ZC3H4: variants seen among roughly 807,000 people sequenced by gnomAD.
ZC3H4 encodes zinc finger CCCH domain-containing protein 4.
ZC3H4 carries 13 observed loss-of-function variants against 108.3 expected under a neutral mutation model. The ratio of observed to expected loss-of-function variants is 0.12; its 90% confidence interval spans 0.08 to 0.19. The LOEUF is 0.19. Ranked by LOEUF, ZC3H4 falls within the 10% of genes least tolerant of loss-of-function variation. The pLI is 1.00. For synonymous variants in ZC3H4, 917 were observed against 749.6 expected, an observed-to-expected ratio of 1.22 and a Z score of -3.65; for missense variants, 1,734 against 1,838.8, an observed-to-expected ratio of 0.94 and a Z score of 1.04.
At chr19:47,112,121 C>T (rs1337593763) in intron 2 of ZC3H4, 7 of 1,068,720 alleles carry the variant, frequency 6.5e-6, no homozygotes, top group Non-Finnish European at 7.9e-6. Flanking sequence ...CGGACGGGCG[C>T]GGGGGGTCCG....
intron 1 of ZC3H4, 39 bp from the exon 2 acceptor site, chr19:47,112,628 T>G (rs1765758161): frequency 3.3e-6 from 4 of 1,215,830 alleles, no homozygotes; most frequent in Non-Finnish European, 4.1e-6. Flanking sequence ...GAAAAAGGAC[T>G]GCTTGGGCGT....
intron 11 of ZC3H4, 137 bp downstream of exon 11, chr19:47,081,376 C>T: frequency 1.5e-6 from 1 of 684,910 alleles, no homozygotes; most frequent in East Asian, 2.7e-5. Context: ...TGCCCGTGTC[C>T]TCCTTAGAAT....
chr19:47,076,850 G>A (rs151093276), intron 11 of ZC3H4, among the ~76,000 whole-genome samples: 1,679 of 151,498 alleles, frequency 0.011, 35 homozygotes, highest in African/African-American at 0.038. Flanking sequence ...AAAATTAGCC[G>A]GGCGTGGTGG....
intron 5 of ZC3H4, among the ~76,000 whole-genome samples, chr19:47,089,616 G>T (rs920508149): frequency 6.6e-6 from 1 of 152,210 alleles, no homozygotes; most frequent in Admixed American, 6.5e-5. Flanking sequence ...TCAGGTGATG[G>T]GGCTGGGAGA....
intron 13 of ZC3H4, among the ~76,000 whole-genome samples, chr19:47,071,348 G>A (rs1374564661): frequency 6.6e-6 from 1 of 152,152 alleles, no homozygotes; most frequent in Non-Finnish European, 1.5e-5. Flanking sequence ...AGGAAAAAAA[G>A]GCAGGAAAAC....
At chr19:47,112,259 A>G in intron 2 of ZC3H4, 165 bp downstream of exon 2, 1 of 1,140,358 alleles carries the variant, frequency 8.8e-7, no homozygotes, top group African/African-American at 1.6e-5. Flanking sequence ...AGCGAGAAAG[A>G]GCGAGCGAGC....
intron 11 of ZC3H4, among the ~76,000 whole-genome samples, chr19:47,079,483 C>A (rs534180660): frequency 6.6e-6 from 1 of 151,744 alleles, no homozygotes; most frequent in Non-Finnish European, 1.5e-5. Context: ...AAACCTGGAG[C>A]CTCCAGCAGG....
intron 2 of ZC3H4, among the ~76,000 whole-genome samples, chr19:47,111,152 C>T (rs1024828077): frequency 6.6e-6 from 1 of 152,202 alleles, no homozygotes; most frequent in African/African-American, 2.4e-5. Flanking sequence ...CTCCAAGACT[C>T]GCTTTCCTGC....
At chr19:47,093,790 G>A in intron 4 of ZC3H4, 180 bp downstream of exon 4, 1 of 507,870 alleles carries the variant, frequency 2.0e-6, no homozygotes. Context: ...TGTCTGGGCT[G>A]CCTTGTTGAA....
intron 11 of ZC3H4, among the ~76,000 whole-genome samples, chr19:47,078,753 A>T (rs1323123347): frequency 6.6e-6 from 1 of 151,888 alleles, no homozygotes; most frequent in Non-Finnish European, 1.5e-5. Flanking sequence ...CCAGCTACTC[A>T]GGAGGCTGAA....
In ZC3H4 at chr19:47,089,948, CTG is replaced by C. The variant is rs1171827106; in HGVS notation, c.715+17_715+18del. ...TGGCTCCGATGCCCCAGAGGAGAAA[CTG>C]TAAGGGCAGGGCTCACCTCGGCCGC... On this transcript the variant is annotated intron_variant, in intron 5 of 14. Coordinates refer to ENST00000253048, the MANE Select transcript of ZC3H4 (RefSeq NM_015168.2). 6 of 1,613,606 alleles carry C rather than the reference CTG, an allele frequency of 3.7e-6. No homozygotes were observed. Among genetic ancestry groups the C allele is most frequent in the Non-Finnish European group, 5.1e-6 (6 of 1,179,890 alleles).
At chr19:47,085,637 C>T (rs988449603) in intron 6 of ZC3H4, among the ~76,000 whole-genome samples, 10 of 152,166 alleles carry the variant, frequency 6.6e-5, no homozygotes, top group East Asian at 1.9e-4. Context: ...AGCCTCCCTA[C>T]GTACACATCA....
chr19:47,112,527 ATGGCGGCGGCGG>A lies in ZC3H4; in HGVS notation c.46_57del (p.Pro16_Pro19del). On this transcript the variant is annotated inframe_deletion, in exon 2 of 15. Coordinates refer to ENST00000253048, the MANE Select transcript of ZC3H4 (RefSeq NM_015168.2). ...GAAGGCGTTGATGGCGGCGGCGGCGATGGCGGCGGCGGCGACTCTGATGGCGGCGGCGGGGGG... is the reference window on the plus strand; with the variant it reads ...GAAGGCGTTGATGGCGGCGGCGGCGACGACTCTGATGGCGGCGGCGGGGGG... 5 of 1,074,910 alleles carry A rather than the reference ATGGCGGCGGCGG, an allele frequency of 4.7e-6. No individual in the cohort carries two copies. Among genetic ancestry groups the A allele is most frequent in the Non-Finnish European group, 4.8e-6 (4 of 839,036 alleles). 66.6% of individuals were successfully genotyped at this position (1,074,910 alleles called of 1,614,324 possible).
chr19:47,094,140 T>C, intron 3 of ZC3H4, 60 bp from the exon 4 acceptor site: 4 of 1,529,498 alleles, frequency 2.6e-6, no homozygotes, highest in East Asian at 4.5e-5. Context: ...TCGGGCACAG[T>C]CAGCCTCAGG....
Position 47,072,395 on chromosome 19 carries a change from C to T in ZC3H4, c.1759G>A (p.Val587Met), listed in dbSNP as rs1383493003. 4.3e-6 allele frequency: 7 copies of T among 1,613,238 alleles called. No homozygotes were observed. The highest frequency in any genetic ancestry group is 1.3e-5 in the African/African-American group (1 of 74,880). ...GCCAGCTGTCCCGTGGGCCGCACCA[C>T]GATCTCAAACAAGGAGGGGATCTTC... ...NKKIPSLFEI[V>M]VRPTGQLAEK... The change falls in exon 12 of 15, where the codon GTG becomes ATG. Residue 587 changes from valine (V) to methionine (M), a missense_variant. Val to Met is a conservative substitution (Grantham distance 21). This residue lies in a region of ZC3H4 where 12 missense variants were observed against 36.4 expected (regional missense o/e 0.33). Coordinates refer to ENST00000253048, the MANE Select transcript of ZC3H4 (RefSeq NM_015168.2). The surrounding 1 kb of genome is among the most constrained non-coding windows in gnomAD (Gnocchi z 5.6).
chr19:47,089,155 G>A (rs1325554476), intron 5 of ZC3H4, among the ~76,000 whole-genome samples: 1 of 140,398 alleles, frequency 7.1e-6, no homozygotes, highest in East Asian at 2.1e-4. Context: ...GCAGTGAGCC[G>A]AGATCGCGCC....
chr19:47,098,811 T>TGATATTTCAAAGGA (rs1383958117), intron 2 of ZC3H4, among the ~76,000 whole-genome samples: 1 of 152,164 alleles, frequency 6.6e-6, no homozygotes, highest in African/African-American at 2.4e-5. Flanking sequence ...AAAGTAGACA[T>TGATATTTCAAAGGA]GATATTTCAA....
At chr19:47,092,420 A>G (rs770096036) in intron 4 of ZC3H4, among the ~76,000 whole-genome samples, 2 of 152,334 alleles carry the variant, frequency 1.3e-5, no homozygotes, top group Non-Finnish European at 2.9e-5. Flanking sequence ...ACACCAGTAG[A>G]TCAATCTCAA....
intron 13 of ZC3H4, among the ~76,000 whole-genome samples, chr19:47,069,772 C>T (rs939821601): frequency 1.3e-5 from 2 of 152,136 alleles, no homozygotes; most frequent in Admixed American, 6.5e-5. Context: ...TAAGGAAACA[C>T]CATGCATCTC....
Sources: allele counts gnomAD v4.1 joint callset (sites outside exome capture counted in the v4.1 genomes callset), GRCh38; gene constraint gnomAD v4.1.1; regional missense constraint gnomAD v4.1.1; non-coding constraint Gnocchi (gnomAD v3.1); transcripts MANE v1.5; gene names NCBI Gene and HGNC (gene_info 2026-07-23, HGNC 2026-07-21).